GRIK2: variants seen among roughly 807,000 people sequenced by gnomAD.
The protein encoded by GRIK2 is glutamate receptor ionotropic, kainate 2.
In GRIK2, 32 loss-of-function variants were observed where a neutral mutation model predicts 100.3. The ratio of observed to expected loss-of-function variants is 0.32; its 90% confidence interval spans 0.24 to 0.43. The LOEUF (loss-of-function observed/expected upper bound fraction) is 0.43. GRIK2 is among the 20% of genes least tolerant of loss of function. The probability of loss-of-function intolerance (pLI) is 1.00; values close to 1 mark genes in which losing one functional copy is unlikely to be tolerated. For missense variants in GRIK2, 843 were observed against 1,114.9 expected (o/e 0.76, Z 3.47); for synonymous variants, 417 against 389.4 (o/e 1.07, Z -0.83).
At chr6:101,964,176 T>C in intron 14 of GRIK2, among the ~76,000 whole-genome samples, 1 of 150,790 alleles carries the variant, frequency 6.6e-6, no homozygotes, top group East Asian at 1.9e-4. Flanking sequence ...ATATACATAC[T>C]ATATCATTAC....
intron 4 of GRIK2, among the ~76,000 whole-genome samples, chr6:101,644,941 A>G (rs567475675): frequency 1.8e-4 from 28 of 151,788 alleles, no homozygotes; most frequent in Non-Finnish European, 3.2e-4. Context: ...TTTCTTCTCC[A>G]TGCTATAGTA....
At chr6:101,437,240 C>T (rs1769774062) in intron 2 of GRIK2, among the ~76,000 whole-genome samples, 1 of 151,970 alleles carries the variant, frequency 6.6e-6, no homozygotes, top group South Asian at 2.1e-4. Context: ...TTTTCACAAA[C>T]AGAATGAAAG....
intron 2 of GRIK2, among the ~76,000 whole-genome samples, chr6:101,514,366 T>C (rs1015713650): frequency 5.3e-5 from 8 of 151,888 alleles, no homozygotes; most frequent in Admixed American, 3.3e-4. Context: ...AAGGAGCAGA[T>C]AGTTTAATAG....
chr6:102,003,623 T>C (rs1795059430), intron 14 of GRIK2, among the ~76,000 whole-genome samples: 1 of 151,808 alleles, frequency 6.6e-6, no homozygotes, highest in Admixed American at 6.6e-5. Context: ...ACAAAAGCTG[T>C]CCTTGCATGA....
intron 7 of GRIK2, among the ~76,000 whole-genome samples, chr6:101,695,946 C>T (rs1288737558): frequency 1.3e-5 from 2 of 151,954 alleles, no homozygotes; most frequent in African/African-American, 4.8e-5. Context: ...ACTTGAAGTA[C>T]AATTTCTACT....
intron 1 of GRIK2, among the ~76,000 whole-genome samples, chr6:101,396,729 A>G (rs1353705883): frequency 1.3e-5 from 2 of 152,192 alleles, no homozygotes; most frequent in African/African-American, 4.8e-5. Context: ...CTCCAGAATA[A>G]TGAATGCCAG....
At chr6:101,550,577 A>G (rs1004980300) in intron 2 of GRIK2, among the ~76,000 whole-genome samples, 7 of 152,276 alleles carry the variant, frequency 4.6e-5, no homozygotes, top group East Asian at 1.9e-4. Flanking sequence ...CTTTTCTCCA[A>G]TTGTGACAGT....
intron 4 of GRIK2, among the ~76,000 whole-genome samples, chr6:101,628,970 C>G (rs1428566969): frequency 2.0e-5 from 3 of 152,038 alleles, no homozygotes; most frequent in Non-Finnish European, 4.4e-5. Flanking sequence ...TTAAGTGATT[C>G]ACTAAATAGA....
intron 2 of GRIK2, among the ~76,000 whole-genome samples, chr6:101,425,469 A>T (rs1048146465): frequency 1.3e-5 from 2 of 152,202 alleles, no homozygotes; most frequent in African/African-American, 2.4e-5. Context: ...GACATCACTC[A>T]CAAGAGCAAC....
At chr6:102,009,638 CT>C (rs1446162916) in intron 14 of GRIK2, among the ~76,000 whole-genome samples, 2 of 152,102 alleles carry the variant, frequency 1.3e-5, no homozygotes, top group East Asian at 3.9e-4. Context: ...TACAAAAAGT[CT>C]TTGATACTCT....
chr6:101,902,352 A>T (rs1185416771), intron 12 of GRIK2, among the ~76,000 whole-genome samples: 2 of 151,950 alleles, frequency 1.3e-5, no homozygotes, highest in Non-Finnish European at 2.9e-5. Context: ...AAATATACAC[A>T]ATGTATGAAG....
At chr6:101,644,438 G>A (rs1324120164) in intron 4 of GRIK2, among the ~76,000 whole-genome samples, 2 of 151,594 alleles carry the variant, frequency 1.3e-5, no homozygotes, top group East Asian at 1.9e-4. Flanking sequence ...AAAGACAAAT[G>A]GATCAAAAGA....
At chr6:101,962,319 T>C (rs573211399) in intron 14 of GRIK2, among the ~76,000 whole-genome samples, 2 of 119,512 alleles carry the variant, frequency 1.7e-5, no homozygotes, top group East Asian at 4.9e-4. Flanking sequence ...ATTCAATGCC[T>C]CTAGTCAGCC....
At chr6:101,695,447 T>A (rs2852566) in intron 7 of GRIK2, among the ~76,000 whole-genome samples, 138,007 of 152,166 alleles carry the variant, frequency 0.91, 62,631 homozygotes, top group South Asian at 0.93. Context: ...AAGGGGGCAC[T>A]GTCAAACCAT....
intron 7 of GRIK2, among the ~76,000 whole-genome samples, chr6:101,734,580 C>T (rs1359651474): frequency 2.0e-5 from 3 of 152,096 alleles, no homozygotes; most frequent in Admixed American, 6.5e-5. Context: ...TATTTGGGTA[C>T]CCATGACCCT....
rs183436682 is a variant in GRIK2 at position 101,527,394 on chromosome 6, T to A, written c.116-94555T>A. On this transcript the variant is annotated intron_variant, in intron 2 of 16. Coordinates refer to ENST00000369134, the MANE Select transcript of GRIK2 (RefSeq NM_021956.5). Reference sequence around the variant, plus strand: ...AAGAAAGGAGGTCTCATAACAATGATTAGGAGGTTTCAGGATCCCCCAAAG... The same window carrying A: ...AAGAAAGGAGGTCTCATAACAATGAATAGGAGGTTTCAGGATCCCCCAAAG... Among the ~76,000 whole-genome samples, 9 of 152,200 alleles carry A rather than the reference T, an allele frequency of 5.9e-5. No homozygotes were observed. In the East Asian group the frequency reaches 1.7e-3, roughly 29 times the overall value.
At chr6:101,804,522 C>G (rs1187986752) in intron 9 of GRIK2, among the ~76,000 whole-genome samples, 2 of 152,060 alleles carry the variant, frequency 1.3e-5, no homozygotes, top group Admixed American at 1.3e-4. Context: ...ACTGAACCAT[C>G]AGCAATGTTG....
At chr6:101,804,146 A>G (rs900844415) in intron 9 of GRIK2, among the ~76,000 whole-genome samples, 1 of 151,972 alleles carries the variant, frequency 6.6e-6, no homozygotes, top group African/African-American at 2.4e-5. Context: ...ATCAAGAGTC[A>G]TAGTCAATTG....
intron 2 of GRIK2, among the ~76,000 whole-genome samples, chr6:101,525,301 A>G (rs1349518296): frequency 6.6e-6 from 1 of 152,214 alleles, no homozygotes; most frequent in Non-Finnish European, 1.5e-5. Context: ...CTATATTATC[A>G]GTAGGATGAA....
Sources: allele counts gnomAD v4.1 joint callset (sites outside exome capture counted in the v4.1 genomes callset), GRCh38; gene constraint gnomAD v4.1.1; transcripts MANE v1.5; gene names NCBI Gene and HGNC (gene_info 2026-07-23, HGNC 2026-07-21).